Variants in PCDHGA5 observed in about 807,000 individuals in gnomAD.
PCDHGA5 encodes protocadherin gamma-A5.
PCDHGA5 carries 36 observed loss-of-function variants against 56.7 expected under a neutral mutation model. That is an observed-to-expected ratio of 0.64 (90% CI 0.49 to 0.84). The LOEUF is 0.84. Ranked by LOEUF, PCDHGA5 falls within the 40% of genes least tolerant of loss-of-function variation. The pLI is 0.00. For missense variants in PCDHGA5, 1,305 were observed against 1,201.5 expected (o/e 1.09, Z -1.27); for synonymous variants, 563 against 520.2 (o/e 1.08, Z -1.12).
chr5:141,376,016 G>A, intron 1 of PCDHGA5: 7 of 1,613,318 alleles, frequency 4.3e-6, no homozygotes, highest in Non-Finnish European at 5.9e-6. Flanking sequence ...CCTAGTGGTG[G>A]CCGTCCAGGA....
At chr5:141,417,129 T>C (rs887933624) in intron 1 of PCDHGA5, 2 of 152,218 alleles carry the variant, frequency 1.3e-5, no homozygotes, top group South Asian at 2.1e-4. Context: ...TGGATGATGG[T>C]AATGACTAGG....
intron 1 of PCDHGA5, among the ~76,000 whole-genome samples, chr5:141,381,392 A>G (rs887778756): frequency 6.6e-6 from 1 of 152,096 alleles, no homozygotes; most frequent in Non-Finnish European, 1.5e-5. Flanking sequence ...ATTTAGTTTT[A>G]CTCTATCAAC....
At chr5:141,385,389 C>T in intron 1 of PCDHGA5, 2 of 1,506,522 alleles carry the variant, frequency 1.3e-6, no homozygotes, top group Non-Finnish European at 1.8e-6. Flanking sequence ...TATTATTTTG[C>T]AAAACAAATG....
chr5:141,484,944 AG>A (rs1354711871), intron 1 of PCDHGA5: 1 of 546,450 alleles, frequency 1.8e-6, no homozygotes, highest in Non-Finnish European at 3.3e-6. Context: ...TTCTCTGCTC[AG>A]CCTATTGGCT....
chr5:141,384,913 T>C, intron 1 of PCDHGA5: 1 of 1,613,988 alleles, frequency 6.2e-7, no homozygotes, highest in Non-Finnish European at 8.5e-7. Context: ...CCCCGAAGTC[T>C]TGGCCGACCT....
chr5:141,409,220 G>A (rs1327857530), intron 1 of PCDHGA5: 1 of 1,613,988 alleles, frequency 6.2e-7, no homozygotes, highest in Non-Finnish European at 8.5e-7. Context: ...AATCCTTGAT[G>A]AAAACGACAA....
chr5:141,469,829 A>G (rs2099212486), intron 1 of PCDHGA5, among the ~76,000 whole-genome samples: 1 of 152,102 alleles, frequency 6.6e-6, no homozygotes, highest in African/African-American at 2.4e-5. Context: ...AGGTCACATA[A>G]AACTTATTCT....
chr5:141,511,237 T>C lies in PCDHGA5; in HGVS notation c.*64T>C, dbSNP rs886816274. 1.9e-6 allele frequency: 3 copies of C among 1,590,378 alleles called. No homozygotes were observed. The South Asian group carries it at 3.4e-5, about 18-fold the overall frequency. ...CCAACCAGCCCAGCTTCTCCTTACC[T>C]GCACCCAGGCCTCAGAGTTTCAGGG... On this transcript the variant is annotated 3_prime_UTR_variant, in exon 4 of 4. Coordinates refer to ENST00000518069, the MANE Select transcript of PCDHGA5 (RefSeq NM_018918.3).
rs2099624499 is a variant in PCDHGA5, at chr5:141,486,100, C to A, written c.2422-8707C>A. The A allele has an allele frequency of 6.2e-7, 1 of 1,614,072 alleles. No homozygotes were observed. The highest frequency in any genetic ancestry group is 1.3e-5 in the African/African-American group (1 of 74,930). ...AGCTTACTCTTTTGGGGCCCCTAGA[C>A]TTTGAGAGTGAGAATTACTATGAAT... On this transcript the variant is annotated intron_variant, in intron 1 of 3. Coordinates refer to ENST00000518069, the MANE Select transcript of PCDHGA5 (RefSeq NM_018918.3). This position sits in a 1 kb window ranked among gnomAD's most constrained non-coding sequence, Gnocchi z 5.0.
chr5:141,489,126 T>G lies in PCDHGA5; in HGVS notation c.2422-5681T>G. 31 of 585,108 alleles carry G rather than the reference T, an allele frequency of 5.3e-5. No homozygotes were observed. Among genetic ancestry groups the G allele is most frequent in the South Asian group, 1.3e-4 (4 of 31,402 alleles). 36.2% of individuals were successfully genotyped at this position (585,108 alleles called of 1,614,324 possible). On this transcript the variant is annotated intron_variant, in intron 1 of 3. Transcript: ENST00000518069. The surrounding 1 kb of genome is among the most constrained non-coding windows in gnomAD (Gnocchi z 4.5). ...TGCAAGCAGGCAAACCTCCGAGCAG[T>G]TTTTAAGAGGCTGGAAGGAGACATA...
intron 1 of PCDHGA5, chr5:141,412,660 T>C (rs1337663720): frequency 6.6e-6 from 1 of 152,262 alleles, no homozygotes; most frequent in African/African-American, 2.4e-5. Flanking sequence ...ACCTAGACAC[T>C]AATATGACCT....
chr5:141,495,810 C>T (rs1003475681), intron 2 of PCDHGA5, among the ~76,000 whole-genome samples: 1 of 152,088 alleles, frequency 6.6e-6, no homozygotes, highest in Non-Finnish European at 1.5e-5. Context: ...CGTTTCCTAG[C>T]GCCTTGTGTT....
At chr5:141,385,401 T>C in intron 1 of PCDHGA5, 1 of 1,490,222 alleles carries the variant, frequency 6.7e-7, no homozygotes, top group Non-Finnish European at 8.9e-7. Context: ...AAACAAATGT[T>C]TTGAAAATAG....
intron 1 of PCDHGA5, chr5:141,418,408 A>G (rs2096253819): frequency 8.1e-6 from 13 of 1,614,032 alleles, no homozygotes; most frequent in Non-Finnish European, 1.1e-5. Flanking sequence ...TGGTGGAGAA[A>G]GACAATCCTG....
At position 141,430,919 on chromosome 5, in the gene PCDHGA5, C is replaced by A. The variant is rs377613499; in HGVS notation, c.2422-63888C>A. The A allele has an allele frequency of 6.2e-7, 1 of 1,607,492 alleles. No homozygotes were observed. Among genetic ancestry groups the A allele is most frequent in the Admixed American group, 1.7e-5 (1 of 58,806 alleles). The stretch of plus-strand genomic sequence containing the variant: ...GGGCGACATCTCCAGGGACCTGGGG[C>A]TGGAGCCCCGGGAGCTCGCGGAGCG... On this transcript the variant is annotated intron_variant, in intron 1 of 3. Transcript: ENST00000518069.
chr5:141,414,791 G>A (rs375736950), intron 1 of PCDHGA5: 43 of 1,614,120 alleles, frequency 2.7e-5, no homozygotes, highest in Non-Finnish European at 3.3e-5. Context: ...GTGACAGCCA[G>A]CGACAGCGGG....
intron 1 of PCDHGA5, chr5:141,420,184 A>G: frequency 5.0e-6 from 8 of 1,613,990 alleles, no homozygotes; most frequent in Non-Finnish European, 6.8e-6. Context: ...ATCATTGTCC[A>G]GCCACACAAG....
chr5:141,405,010 CT>C (rs2094596164), intron 1 of PCDHGA5: 3 of 1,614,014 alleles, frequency 1.9e-6, no homozygotes, highest in Non-Finnish European at 2.5e-6. Context: ...ACCTGGAGGC[CT>C]CAGACCTTAC....
At chr5:141,421,895 G>C in intron 1 of PCDHGA5, 1 of 1,613,730 alleles carries the variant, frequency 6.2e-7, no homozygotes, top group Non-Finnish European at 8.5e-7. Context: ...GATCCCATCC[G>C]AAAGGGCGCA....
Sources: gnomAD v4.1 joint callset for allele counts (sites outside exome capture counted in the v4.1 genomes callset) on GRCh38, gnomAD v4.1.1 for gene constraint, Gnocchi (gnomAD v3.1) non-coding constraint, MANE v1.5 for transcripts, NCBI Gene and HGNC (gene_info 2026-07-23, HGNC 2026-07-21) for gene names.